Variants in PCDHGB3 observed in about 807,000 individuals in gnomAD.
The protein encoded by PCDHGB3 is protocadherin gamma-B3.
A neutral mutation model predicts 59.2 loss-of-function variants in PCDHGB3; 40 were observed. The ratio of observed to expected loss-of-function variants is 0.68; its 90% CI spans 0.52 to 0.88. The LOEUF (loss-of-function observed/expected upper bound fraction) is 0.88, where lower values mean the gene tolerates loss of function less well. PCDHGB3 is among the 40% of genes least tolerant of loss of function. The pLI is 0.00. For missense variants in PCDHGB3, 1,309 were observed against 1,187.9 expected (o/e 1.10, Z -1.50); for synonymous variants, 581 against 503.6 (o/e 1.15, Z -2.06).
intron 1 of PCDHGB3, among the ~76,000 whole-genome samples, chr5:141,460,703 G>A (rs1009662968): frequency 6.6e-6 from 1 of 151,534 alleles, no homozygotes; most frequent in Non-Finnish European, 1.5e-5. Flanking sequence ...AGTTGAATGA[G>A]AATAAACTAT....
rs748357509 is a variant in PCDHGB3 at position 141,384,447 on chromosome 5, G to A, written c.2415+11638G>A. The A allele has an allele frequency of 2.0e-5, 32 of 1,613,890 alleles. No homozygotes were observed. The African/African-American group carries it at 2.4e-4, about 12-fold the overall frequency. The stretch of plus-strand genomic sequence containing the variant: ...ACTCTGACACTGGAGTCCTGTACGC[G>A]CTGCAATCCTTTGATTATGAGCAGT... On this transcript the variant is annotated intron_variant, in intron 1 of 3. Coordinates refer to ENST00000576222, the MANE Select transcript of PCDHGB3 (RefSeq NM_018924.5).
chr5:141,372,939 G>T (rs1026338118), intron 1 of PCDHGB3, 130 bp downstream of exon 1: 1 of 824,796 alleles, frequency 1.2e-6, no homozygotes, highest in Non-Finnish European at 1.8e-6. Context: ...GTAGAGTAGG[G>T]TGTCTAGGAA....
At position 141,370,423 on chromosome 5, in the gene PCDHGB3, C is replaced by T; in HGVS notation, c.29C>T (p.Pro10Leu). The T allele has an allele frequency of 6.3e-7, 1 of 1,586,808 alleles. No individual in the cohort carries two copies. The highest frequency in any genetic ancestry group is 1.3e-5 in the African/African-American group (1 of 74,076). Reference sequence around the variant, plus strand: ...GGAAATAGCTCCGGATGGAGGGGCCCAGCAGGGCAGAGGCGAATGCTATTT... The same window carrying T: ...GGAAATAGCTCCGGATGGAGGGGCCTAGCAGGGCAGAGGCGAATGCTATTT... MGNSSGWRG[P>L]AGQRRMLFLF... is the part of the protein sequence containing the mutation. Residue 10 changes from proline to leucine, a missense_variant, in exon 1 of 4, where the codon CCA becomes CTA. Transcript: ENST00000576222.
rs112156044 is a variant in PCDHGB3, at chr5:141,476,771, G to T, written c.2416-18036G>T. ...CCAGTTAGTGCTGACGGCGTTGGAC[G>T]GAGGGACCCCAGCTCTCTCCGCCAG... On this transcript the variant is annotated intron_variant, in intron 1 of 3. Coordinates refer to ENST00000576222, the MANE Select transcript of PCDHGB3 (RefSeq NM_018924.5). The surrounding 1 kb of genome is among the most constrained non-coding windows in gnomAD (Gnocchi z 7.6). The T allele has an allele frequency of 6.2e-7, 1 of 1,613,700 alleles. No homozygotes were observed. The highest frequency in any genetic ancestry group is 1.1e-5 in the South Asian group (1 of 91,084).
intron 1 of PCDHGB3, chr5:141,376,624 A>C (rs1350295838): frequency 7.4e-6 from 10 of 1,343,058 alleles, no homozygotes; most frequent in Non-Finnish European, 9.1e-6. Context: ...TTGGTACAGG[A>C]AGATTCGTGA....
At chr5:141,387,304 T>C (rs1186076797) in intron 1 of PCDHGB3, among the ~76,000 whole-genome samples, 3 of 152,208 alleles carry the variant, frequency 2.0e-5, no homozygotes, top group Non-Finnish European at 4.4e-5. Context: ...ATCCAGTATA[T>C]TTCTAATGAG....
chr5:141,487,656 C>G lies in PCDHGB3; in HGVS notation c.2416-7151C>G. ...GCTCAACAAATGCTTGAGGGTTATT[C>G]TGATCCAGGCATATGGCTAGGCCAT... On this transcript the variant is annotated intron_variant, in intron 1 of 3. Coordinates refer to ENST00000576222, the MANE Select transcript of PCDHGB3 (RefSeq NM_018924.5). The surrounding 1 kb of genome is among the most constrained non-coding windows in gnomAD (Gnocchi z 5.0). 6.2e-7 allele frequency: 1 copy of G among 1,613,658 alleles called. No individual in the cohort carries two copies. Among genetic ancestry groups the G allele is most frequent in the Non-Finnish European group, 8.5e-7 (1 of 1,179,794 alleles).
In PCDHGB3 at chr5:141,388,772, C is replaced by G. The variant is rs747075769; in HGVS notation, c.2415+15963C>G. 6.8e-6 allele frequency: 11 copies of G among 1,613,680 alleles called. No individual in the cohort carries two copies. In the Admixed American group the frequency reaches 1.8e-4, roughly 27 times the overall value. On this transcript the variant is annotated intron_variant, in intron 1 of 3. Transcript: ENST00000576222. Reference sequence around the variant, plus strand: ...CCCAATTTGACCTGAACTCTAACACCGGGGAAATTACTGTTTTAAATACAT... The same window carrying G: ...CCCAATTTGACCTGAACTCTAACACGGGGGAAATTACTGTTTTAAATACAT...
rs1259021130 is a variant in PCDHGB3 at position 141,485,083 on chromosome 5, G to C, written c.2416-9724G>C. ...GCGCCAGAGCTGGCGCGGGGAAAGG[G>C]AGATAGGTGTCTCCAGCTGCTGTGG... On this transcript the variant is annotated intron_variant, in intron 1 of 3. Coordinates refer to ENST00000576222, the MANE Select transcript of PCDHGB3 (RefSeq NM_018924.5). The surrounding 1 kb of genome is among the most constrained non-coding windows in gnomAD (Gnocchi z 5.7). The C allele has an allele frequency of 1.0e-6, 1 of 989,386 alleles. No homozygotes were observed. The highest frequency in any genetic ancestry group is 1.6e-5 in the African/African-American group (1 of 61,992). 61.3% of individuals were successfully genotyped at this position (989,386 alleles called of 1,614,324 possible).
chr5:141,404,466 T>C lies in PCDHGB3; in HGVS notation c.2415+31657T>C, dbSNP rs536211455. ...CAAGGGTCTCCTCTCTCCACCTATG[T>C]CTCTATTAACTCAGACACTGGTGTG... On this transcript the variant is annotated intron_variant, in intron 1 of 3. Transcript: ENST00000576222. 28 of 1,613,558 alleles carry C rather than the reference T, an allele frequency of 1.7e-5. No individual in the cohort carries two copies. Among genetic ancestry groups the C allele is most frequent in the East Asian group, 2.2e-5 (1 of 44,882 alleles).
rs1419365808 is a variant in PCDHGB3 at position 141,477,321 on chromosome 5, C to G, written c.2416-17486C>G. 1.2e-6 allele frequency: 2 copies of G among 1,614,160 alleles called. No homozygotes were observed. Among genetic ancestry groups the G allele is most frequent in the East Asian group, 4.5e-5 (2 of 44,874 alleles). On this transcript the variant is annotated intron_variant, in intron 1 of 3. Coordinates refer to ENST00000576222, the MANE Select transcript of PCDHGB3 (RefSeq NM_018924.5). The surrounding 1 kb of genome is among the most constrained non-coding windows in gnomAD (Gnocchi z 4.9). Reference sequence around the variant, plus strand: ...GGTCTCCCTTTCAGCCTTACTTCTTCCCTCAAGAATTACTTCACTTTGAAA... The same window carrying G: ...GGTCTCCCTTTCAGCCTTACTTCTTGCCTCAAGAATTACTTCACTTTGAAA...
At chr5:141,451,091 G>A (rs2098706622) in intron 1 of PCDHGB3, among the ~76,000 whole-genome samples, 1 of 151,962 alleles carries the variant, frequency 6.6e-6, no homozygotes, top group South Asian at 2.1e-4. Context: ...ACCTCCCAAA[G>A]TGTTGGGATT....
chr5:141,498,306 A>C (rs2099783027), intron 2 of PCDHGB3, among the ~76,000 whole-genome samples: 1 of 151,810 alleles, frequency 6.6e-6, no homozygotes, highest in African/African-American at 2.4e-5. Flanking sequence ...TCTGGGTCAC[A>C]CTGCCTACAC....
chr5:141,465,800 C>G (rs1486100601), intron 1 of PCDHGB3, among the ~76,000 whole-genome samples: 2 of 151,524 alleles, frequency 1.3e-5, no homozygotes, highest in East Asian at 3.9e-4. Flanking sequence ...TTTAAGAAAC[C>G]CTTCAGGATC....
At chr5:141,397,381 T>G (rs966351267) in intron 1 of PCDHGB3, among the ~76,000 whole-genome samples, 1 of 152,228 alleles carries the variant, frequency 6.6e-6, no homozygotes, top group Non-Finnish European at 1.5e-5. Flanking sequence ...GGGATTGGTA[T>G]AAAATTGCCA....
rs777314784 is a variant in PCDHGB3, at chr5:141,432,669, C to A, written c.2415+59860C>A. On this transcript the variant is annotated intron_variant, in intron 1 of 3. Transcript: ENST00000576222. The surrounding 1 kb of genome is among the most constrained non-coding windows in gnomAD (Gnocchi z 6.0). ...GCGCGAGCCCTGCTGGACAGAGACG[C>A]GCTCAAGCAGAGCCTCGTAGTGGCC... 1 of 1,613,894 alleles carries A rather than the reference C, an allele frequency of 6.2e-7. No homozygotes were observed. Among genetic ancestry groups the A allele is most frequent in the Non-Finnish European group, 8.5e-7 (1 of 1,179,950 alleles).
intron 1 of PCDHGB3, chr5:141,378,041 T>C (rs1774568031): frequency 6.6e-6 from 1 of 152,220 alleles, no homozygotes; most frequent in Admixed American, 6.5e-5. Flanking sequence ...AACAAGACTT[T>C]CCTTATCTAT....
intron 3 of PCDHGB3, among the ~76,000 whole-genome samples, chr5:141,508,528 C>T (rs2099869454): frequency 6.6e-6 from 1 of 152,186 alleles, no homozygotes; most frequent in Admixed American, 6.5e-5. Context: ...AACCTCAGGG[C>T]ACCCCCCACG....
rs2097504446 is a variant in PCDHGB3, at chr5:141,432,472, T to C, written c.2415+59663T>C. The C allele has an allele frequency of 9.9e-6, 16 of 1,614,012 alleles. No homozygotes were observed. Among genetic ancestry groups the C allele is most frequent in the Non-Finnish European group, 1.4e-5 (16 of 1,180,036 alleles). ...TGTACCCCGCCCTCCCCACGGACGG[T>C]TCCACTGGCGTGGAGCTGGCTCCCC... On this transcript the variant is annotated intron_variant, in intron 1 of 3. Transcript: ENST00000576222. This position sits in a 1 kb window ranked among gnomAD's most constrained non-coding sequence, Gnocchi z 6.0.
Sources: gnomAD v4.1 joint callset for allele counts (sites outside exome capture counted in the v4.1 genomes callset) on GRCh38, gnomAD v4.1.1 for gene constraint, Gnocchi (gnomAD v3.1) non-coding constraint, MANE v1.5 for transcripts, NCBI Gene and HGNC (gene_info 2026-07-23, HGNC 2026-07-21) for gene names.